Variants in KCNJ3 observed in about 807,000 individuals in gnomAD.
The protein encoded by KCNJ3 is G protein-activated inward rectifier potassium channel 1.
KCNJ3 carries 4 observed loss-of-function variants against 39.2 expected under a neutral mutation model. That is an observed-to-expected ratio of 0.10 (90% confidence interval 0.05 to 0.23). The LOEUF (loss-of-function observed/expected upper bound fraction) is 0.23, where lower values mean the gene tolerates loss of function less well. Ranked by LOEUF, KCNJ3 falls within the 10% of genes least tolerant of loss-of-function variation. KCNJ3 has a pLI of 1.00. For synonymous variants in KCNJ3, 230 were observed against 237.4 expected (o/e 0.97, Z 0.29); for missense variants, 276 against 634.9 (o/e 0.43, Z 6.08).
chr2:154,855,348 T>G lies in KCNJ3; in HGVS notation c.*35T>G, dbSNP rs999691598. The G allele has an allele frequency of 7.2e-7, 1 of 1,379,730 alleles. No individual in the cohort carries two copies. Among genetic ancestry groups the G allele is most frequent in the African/African-American group, 1.5e-5 (1 of 68,424 alleles). 85.5% of individuals were successfully genotyped at this position (1,379,730 alleles called of 1,614,324 possible). ...CCCTTAGGCATTATTTAATGTTTGA[T>G]TTAGTAATAGTCCAATATTTGGCGA... On this transcript the variant is annotated 3_prime_UTR_variant, in exon 3 of 3. Transcript: ENST00000295101.
chr2:154,761,800 AT>A (rs1686050561), intron 2 of KCNJ3, among the ~76,000 whole-genome samples: 1 of 152,182 alleles, frequency 6.6e-6, no homozygotes, highest in African/African-American at 2.4e-5. Context: ...GCTTTTTAAA[AT>A]TTACCTTTTG....
At chr2:154,794,979 A>T (rs1686697573) in intron 2 of KCNJ3, among the ~76,000 whole-genome samples, 1 of 151,988 alleles carries the variant, frequency 6.6e-6, no homozygotes, top group African/African-American at 2.4e-5. Context: ...TAAAAATGAG[A>T]ATAAGACAAC....
intron 2 of KCNJ3, among the ~76,000 whole-genome samples, chr2:154,723,943 G>T (rs1206189463): frequency 6.6e-6 from 1 of 151,968 alleles, no homozygotes; most frequent in African/African-American, 2.4e-5. Context: ...TTTCTAAAAA[G>T]CTTTTTAACA....
At chr2:154,701,364 GTTA>G (rs1161678321) in intron 1 of KCNJ3, among the ~76,000 whole-genome samples, 1 of 151,946 alleles carries the variant, frequency 6.6e-6, no homozygotes, top group African/African-American at 2.4e-5. Flanking sequence ...AACATTTAAG[GTTA>G]TTTATTACAG....
At chr2:154,831,246 TAC>T (rs760351373) in intron 2 of KCNJ3, among the ~76,000 whole-genome samples, 1 of 152,176 alleles carries the variant, frequency 6.6e-6, no homozygotes, top group African/African-American at 2.4e-5. Context: ...AGGTGATAAG[TAC>T]AGTTTCCCTT....
intron 2 of KCNJ3, among the ~76,000 whole-genome samples, chr2:154,785,966 T>G (rs1188179704): frequency 1.3e-5 from 2 of 152,160 alleles, no homozygotes; most frequent in African/African-American, 4.8e-5. Context: ...AACAGTCACT[T>G]TTGAGGTAAA....
intron 2 of KCNJ3, among the ~76,000 whole-genome samples, chr2:154,720,024 A>G (rs1685243700): frequency 6.6e-6 from 1 of 152,134 alleles, no homozygotes; most frequent in Admixed American, 6.5e-5. Flanking sequence ...CTCAAATTCC[A>G]GTAGAAAATC....
intron 2 of KCNJ3, among the ~76,000 whole-genome samples, chr2:154,820,229 C>T (rs1687149210): frequency 6.6e-6 from 1 of 152,068 alleles, no homozygotes; most frequent in Non-Finnish European, 1.5e-5. Context: ...CATATACAGC[C>T]CACTTTATCT....
intron 2 of KCNJ3, among the ~76,000 whole-genome samples, chr2:154,739,763 T>C (rs1460921241): frequency 1.3e-5 from 2 of 152,026 alleles, no homozygotes; most frequent in African/African-American, 4.8e-5. Flanking sequence ...GAATGAGAAG[T>C]GTGCACAAAA....
chr2:154,830,625 C>A (rs890818026), intron 2 of KCNJ3, among the ~76,000 whole-genome samples: 1 of 152,018 alleles, frequency 6.6e-6, no homozygotes, highest in African/African-American at 2.4e-5. Flanking sequence ...AAATTAATGC[C>A]AGATATAGAA....
intron 2 of KCNJ3, among the ~76,000 whole-genome samples, chr2:154,755,205 T>C (rs1685916258): frequency 6.6e-6 from 1 of 152,116 alleles, no homozygotes; most frequent in Non-Finnish European, 1.5e-5. Context: ...AATTTCTCCA[T>C]TGTATGTCTG....
intron 2 of KCNJ3, among the ~76,000 whole-genome samples, chr2:154,844,012 G>A (rs1687623551): frequency 6.6e-6 from 1 of 152,196 alleles, no homozygotes; most frequent in Non-Finnish European, 1.5e-5. Flanking sequence ...ATCCTTTGGA[G>A]GAGAACAGGC....
intron 2 of KCNJ3, among the ~76,000 whole-genome samples, chr2:154,835,503 A>AATAT (rs1687444273): frequency 9.0e-5 from 13 of 144,886 alleles, no homozygotes; most frequent in African/African-American, 2.0e-4. Flanking sequence ...ATGAATATAT[A>AATAT]TCAAAATATA....
chr2:154,828,814 A>C (rs1019619481), intron 2 of KCNJ3, among the ~76,000 whole-genome samples: 5 of 152,228 alleles, frequency 3.3e-5, no homozygotes, highest in Non-Finnish European at 7.3e-5. Flanking sequence ...ATTGCTAAAT[A>C]GGAAGATTTA....
chr2:154,811,204 A>G (rs1398679460), intron 2 of KCNJ3, among the ~76,000 whole-genome samples: 3 of 152,088 alleles, frequency 2.0e-5, no homozygotes, highest in Non-Finnish European at 2.9e-5. Context: ...CCTCCCCCAT[A>G]CCTTCTAAAT....
chr2:154,775,708 C>G (rs1176444513), intron 2 of KCNJ3, among the ~76,000 whole-genome samples: 1 of 152,098 alleles, frequency 6.6e-6, no homozygotes, highest in African/African-American at 2.4e-5. Flanking sequence ...TAAGGAAATT[C>G]AGTATATGTC....
chr2:154,757,572 A>T (rs1047762144), intron 2 of KCNJ3, among the ~76,000 whole-genome samples: 5 of 152,152 alleles, frequency 3.3e-5, no homozygotes, highest in African/African-American at 1.2e-4. Flanking sequence ...AAGGATGTAG[A>T]TGTAATACTT....
chr2:154,789,418 C>T (rs550587987), intron 2 of KCNJ3, among the ~76,000 whole-genome samples: 21 of 152,090 alleles, frequency 1.4e-4, no homozygotes, highest in African/African-American at 4.6e-4. Flanking sequence ...GAAGAGCAAA[C>T]AAAGCTAGGG....
intron 2 of KCNJ3, among the ~76,000 whole-genome samples, chr2:154,740,242 G>T (rs1685629356): frequency 6.6e-6 from 1 of 151,808 alleles, no homozygotes; most frequent in Non-Finnish European, 1.5e-5. Context: ...TTTAGTAATG[G>T]CTTCTGTTAT....
Sources: allele counts gnomAD v4.1 joint callset (sites outside exome capture counted in the v4.1 genomes callset), GRCh38; gene constraint gnomAD v4.1.1; transcripts MANE v1.5; gene names NCBI Gene and HGNC (gene_info 2026-07-23, HGNC 2026-07-21).